CDHR3: variants seen among roughly 807,000 people sequenced by gnomAD.
CDHR3 encodes cadherin related family member 3.
A neutral mutation model predicts 86.6 loss-of-function variants in CDHR3; 79 were observed. That is an observed-to-expected ratio of 0.91 (90% CI 0.76 to 1.10). The LOEUF (loss-of-function observed/expected upper bound fraction) is 1.10, where lower values mean the gene tolerates loss of function less well. Ranked by LOEUF, CDHR3 falls within the 50% of genes least tolerant of loss-of-function variation. The pLI is 0.00. For synonymous variants in CDHR3, 421 were observed against 402.4 expected, an observed-to-expected ratio of 1.05 and a Z score of -0.55; for missense variants, 1,081 against 1,077.6, an observed-to-expected ratio of 1.00 and a Z score of -0.04.
At chr7:105,986,564 T>C (rs1830558624) in intron 4 of CDHR3, among the ~76,000 whole-genome samples, 1 of 152,210 alleles carries the variant, frequency 6.6e-6, no homozygotes, top group African/African-American at 2.4e-5. Context: ...GTGGGAGGGC[T>C]TCAGAAATGA....
Position 106,026,817 on chromosome 7 carries a change from A to G in CDHR3, c.2272+122A>G. The G allele has an allele frequency of 2.9e-6, 3 of 1,028,010 alleles. No individual in the cohort carries two copies. In the Admixed American group the frequency reaches 5.5e-5, roughly 19 times the overall value. 63.7% of individuals were successfully genotyped at this position (1,028,010 alleles called of 1,614,324 possible). A position where few individuals can be genotyped will look rare whatever the true frequency, so the allele number is the denominator to read the frequency against. The stretch of plus-strand genomic sequence containing the variant: ...CACATCTTGGAGCATTTTCAGCTGC[A>G]TCTTCTGTGGCTGGAAGGAAGCGGA... On this transcript the variant is annotated intron_variant, in intron 16 of 18. Transcript: ENST00000317716.
rs146004234 is a variant in CDHR3 at position 106,015,817 on chromosome 7, G to A, written c.1328-110G>A. 1.4e-3 allele frequency: 1,101 copies of A among 809,438 alleles called. 16 individuals carry two copies. In the East Asian group the frequency reaches 0.025, roughly 18 times the overall value. The allele number at this position is 809,438 out of a possible 1,614,324, so 50.1% of individuals were successfully genotyped here. On this transcript the variant is annotated intron_variant, in intron 10 of 18. Transcript: ENST00000317716. ...AGGAGCTCCCATGTCTTAGCCACCTGGTATCCCCTATGCGCAAAGCCTGTA... is the reference window on the plus strand; with the variant it reads ...AGGAGCTCCCATGTCTTAGCCACCTAGTATCCCCTATGCGCAAAGCCTGTA...
intron 3 of CDHR3, among the ~76,000 whole-genome samples, chr7:105,981,367 C>T (rs906158931): frequency 3.9e-5 from 6 of 152,168 alleles, no homozygotes; most frequent in African/African-American, 7.2e-5. Context: ...CCTCCCAGTC[C>T]CAGGGAGGAA....
chr7:105,969,557 G>A (rs1827611362), intron 1 of CDHR3, among the ~76,000 whole-genome samples: 1 of 152,190 alleles, frequency 6.6e-6, no homozygotes, highest in Non-Finnish European at 1.5e-5. Context: ...CTGCCGTTGA[G>A]GCCAGTTATA....
chr7:105,972,450 T>C (rs1167305035), intron 1 of CDHR3, among the ~76,000 whole-genome samples: 1 of 152,142 alleles, frequency 6.6e-6, no homozygotes, highest in African/African-American at 2.4e-5. Flanking sequence ...GGTGAGAATG[T>C]GGGCATCCCA....
chr7:106,028,433 C>A, intron 16 of CDHR3, 118 bp from the exon 17 acceptor site: 1 of 1,097,960 alleles, frequency 9.1e-7, no homozygotes, highest in Non-Finnish European at 1.4e-6. Flanking sequence ...CAATTCTTTG[C>A]TGTGTCTGCA....
intron 4 of CDHR3, among the ~76,000 whole-genome samples, chr7:105,991,633 G>C (rs929323548): frequency 1.3e-5 from 2 of 152,058 alleles, no homozygotes; most frequent in African/African-American, 4.8e-5. Flanking sequence ...ATGGTTTTTT[G>C]TTGTTGCTTT....
intron 17 of CDHR3, 77 bp downstream of exon 17, chr7:106,028,659 G>GCCA: frequency 1.3e-6 from 2 of 1,513,112 alleles, no homozygotes; most frequent in Non-Finnish European, 1.8e-6. Context: ...AGGCAGGCCT[G>GCCA]CCACAGCCTT....
At chr7:105,986,086 A>G (rs99022) in intron 4 of CDHR3, among the ~76,000 whole-genome samples, 62,721 of 152,018 alleles carry the variant, frequency 0.41, 13,421 homozygotes, top group South Asian at 0.6. Context: ...AAAAAGAAAG[A>G]AGCAACCAGG....
At chr7:105,971,608 A>G (rs918400885) in intron 1 of CDHR3, among the ~76,000 whole-genome samples, 6 of 152,212 alleles carry the variant, frequency 3.9e-5, no homozygotes, top group African/African-American at 1.4e-4. Context: ...AGTTATGATC[A>G]ATTCAAGAAA....
intron 17 of CDHR3, among the ~76,000 whole-genome samples, chr7:106,029,579 T>TCTCTCTCTCTCTCTCTC (rs1554533186): frequency 1.3e-5 from 2 of 151,626 alleles, no homozygotes; most frequent in African/African-American, 4.9e-5. Context: ...TCTCTCTCTC[T>TCTCTCTCTCTCTCTCTC]TTGACAGAAC....
In CDHR3 at chr7:105,996,332, G is replaced by A. The variant is rs535238500; in HGVS notation, c.691G>A (p.Asp231Asn). The A allele has an allele frequency of 9.4e-6, 15 of 1,594,498 alleles. No individual in the cohort carries two copies. The highest frequency in any genetic ancestry group is 1.2e-5 in the Non-Finnish European group (14 of 1,164,844). The change falls in exon 6 of 19, where the codon GAC becomes AAC. Residue 231 changes from aspartate (D) to asparagine (N), a missense_variant. By Grantham distance (23) the Asp-to-Asn change is conservative. Transcript: ENST00000317716. ...ELQVNIVNLNDEVPRFTSPTR... is the reference protein window; with the variant it reads ...ELQVNIVNLNNEVPRFTSPTR... ...CCAGGTGAACATCGTGAACCTCAAC[G>A]ACGAAGTCCCTCGCTTTACCAGGTA... is the stretch of plus-strand genomic sequence containing the variant.
chr7:106,032,842 T>G lies in CDHR3; in HGVS notation c.*145T>G, dbSNP rs1436748764. On this transcript the variant is annotated 3_prime_UTR_variant, in exon 19 of 19. Transcript: ENST00000317716. The stretch of plus-strand genomic sequence containing the variant: ...GGTCAAACATGGGATGTTTGACAAA[T>G]TTTTAAACAAATAGAAAGGGGTTTG... 2.7e-6 allele frequency: 2 copies of G among 748,334 alleles called. No individual in the cohort carries two copies. Among genetic ancestry groups the G allele is most frequent in the African/African-American group, 3.5e-5 (2 of 56,610 alleles). The allele number at this position is 748,334 out of a possible 1,614,324, so 46.4% of individuals were successfully genotyped here.
intron 8 of CDHR3, among the ~76,000 whole-genome samples, chr7:106,011,188 C>T (rs982321852): frequency 1.1e-4 from 16 of 152,028 alleles, no homozygotes; most frequent in African/African-American, 3.1e-4. Context: ...AAAGAAAAGC[C>T]GCAAATTCCT....
intron 1 of CDHR3, among the ~76,000 whole-genome samples, chr7:105,967,087 A>G (rs1827073955): frequency 6.6e-6 from 1 of 152,016 alleles, no homozygotes; most frequent in Non-Finnish European, 1.5e-5. Context: ...TATATCTCCT[A>G]ATGCTATCCC....
At chr7:106,018,294 T>A (rs866833179) in intron 12 of CDHR3, among the ~76,000 whole-genome samples, 4 of 152,328 alleles carry the variant, frequency 2.6e-5, no homozygotes, top group African/African-American at 2.4e-5. Flanking sequence ...TGGAGTACAG[T>A]GGTGTAACCT....
chr7:105,969,419 A>G (rs1827569758), intron 1 of CDHR3, among the ~76,000 whole-genome samples: 1 of 151,510 alleles, frequency 6.6e-6, no homozygotes, highest in Admixed American at 6.6e-5. Flanking sequence ...AAAAAAAAAA[A>G]AGTGTTTCGT....
chr7:105,971,930 C>A (rs763982399), intron 1 of CDHR3, among the ~76,000 whole-genome samples: 1 of 152,226 alleles, frequency 6.6e-6, no homozygotes, highest in Non-Finnish European at 1.5e-5. Flanking sequence ...GCCCCCACAG[C>A]CATGTTGTTG....
chr7:105,985,082 G>T (rs1219094717), intron 4 of CDHR3, among the ~76,000 whole-genome samples: 3 of 151,280 alleles, frequency 2.0e-5, no homozygotes, highest in Non-Finnish European at 4.4e-5. Context: ...AAAAATTAAG[G>T]AGTCCCCAGA....
Sources: gnomAD v4.1 joint callset for allele counts (sites outside exome capture counted in the v4.1 genomes callset) on GRCh38, gnomAD v4.1.1 for gene constraint, MANE v1.5 for transcripts, NCBI Gene and HGNC (gene_info 2026-07-23, HGNC 2026-07-21) for gene names.